The following EPHA6 variants were observed in gnomAD, a reference collection of about 807,000 sequenced individuals.
EPHA6 encodes the protein EPH receptor A6, also known as ephrin type-A receptor 6.
In EPHA6, 50 loss-of-function variants were observed where a neutral mutation model predicts 112.0. The observed-to-expected ratio is 0.45, with a 90% confidence interval of 0.36 to 0.56. EPHA6 has a LOEUF of 0.56. Ranked by LOEUF, EPHA6 falls within the 20% of genes least tolerant of loss-of-function variation. The pLI, the probability that EPHA6 is intolerant of heterozygous loss-of-function variation, is 0.00. For missense variants in EPHA6, 1,280 were observed against 1,417.4 expected (o/e 0.90, Z 1.56); for synonymous variants, 529 against 490.7 (o/e 1.08, Z -1.03).
At chr3:97,099,368 G>C (rs1435406676) in intron 3 of EPHA6, among the ~76,000 whole-genome samples, 1 of 151,482 alleles carries the variant, frequency 6.6e-6, no homozygotes, top group African/African-American at 2.4e-5. Flanking sequence ...TGATTTTGTG[G>C]GTCAGAAATC....
rs191240523 is a variant in EPHA6 at position 97,020,533 on chromosome 3, A to G, written c.1114+32540A>G. Among the ~76,000 whole-genome samples the G allele has an allele frequency of 2.0e-5, 3 of 152,306 alleles. No homozygotes were observed. The East Asian group carries it at 5.8e-4, about 29-fold the overall frequency. ...ATGCAGGATGGAGAGACAGAGCTAT[A>G]GCAATGCTAACAAGAACAGAACACT... On this transcript the variant is annotated intron_variant, in intron 3 of 17. Transcript: ENST00000389672.
chr3:97,062,333 A>G (rs897559980), intron 3 of EPHA6, among the ~76,000 whole-genome samples: 2 of 149,184 alleles, frequency 1.3e-5, no homozygotes, highest in Non-Finnish European at 3.0e-5. Flanking sequence ...AGTAAAGAGA[A>G]CTATAAAGAT....
intron 11 of EPHA6, among the ~76,000 whole-genome samples, chr3:97,550,170 G>A (rs1003370949): frequency 6.6e-6 from 1 of 152,136 alleles, no homozygotes; most frequent in Non-Finnish European, 1.5e-5. Context: ...CTTGCTTGGG[G>A]GAAATGTTGC....
At chr3:97,185,963 C>CA (rs1256621688) in intron 3 of EPHA6, among the ~76,000 whole-genome samples, 1 of 147,128 alleles carries the variant, frequency 6.8e-6, no homozygotes, top group African/African-American at 2.5e-5. Flanking sequence ...ATCACAAGGA[C>CA]AAAAAACCAA....
At chr3:97,353,350 G>A (rs2083905490) in intron 5 of EPHA6, among the ~76,000 whole-genome samples, 1 of 151,854 alleles carries the variant, frequency 6.6e-6, no homozygotes, top group Admixed American at 6.6e-5. Context: ...ACAGACTCCT[G>A]TGGCACATTT....
chr3:97,730,531 C>G (rs1449173528), intron 15 of EPHA6, among the ~76,000 whole-genome samples: 2 of 151,970 alleles, frequency 1.3e-5, no homozygotes, highest in African/African-American at 2.4e-5. Context: ...TATCATAAAA[C>G]CAAACTGTTA....
chr3:97,477,479 G>A (rs1372232550), intron 8 of EPHA6, among the ~76,000 whole-genome samples: 3 of 150,468 alleles, frequency 2.0e-5, no homozygotes, highest in Non-Finnish European at 3.0e-5. Context: ...AGGAAGGGAA[G>A]GAAGGGAGGG....
intron 5 of EPHA6, among the ~76,000 whole-genome samples, chr3:97,271,702 C>T (rs1402421931): frequency 6.6e-6 from 1 of 152,186 alleles, no homozygotes; most frequent in African/African-American, 2.4e-5. Flanking sequence ...GTTTGTCTTA[C>T]ACTTTATGCA....
chr3:97,538,570 T>G (rs1381457993), intron 11 of EPHA6, among the ~76,000 whole-genome samples: 1 of 152,002 alleles, frequency 6.6e-6, no homozygotes, highest in Non-Finnish European at 1.5e-5. Flanking sequence ...ATAGGGAGGA[T>G]GAGATTACCC....
chr3:96,863,830 G>A (rs888210609), intron 1 of EPHA6, among the ~76,000 whole-genome samples: 1 of 151,928 alleles, frequency 6.6e-6, no homozygotes, highest in Non-Finnish European at 1.5e-5. Flanking sequence ...ATTTCAATAC[G>A]CATTAGAGAT....
At chr3:97,515,669 A>G (rs958092864) in intron 10 of EPHA6, among the ~76,000 whole-genome samples, 2 of 152,202 alleles carry the variant, frequency 1.3e-5, no homozygotes, top group Non-Finnish European at 2.9e-5. Context: ...GGGTAGATGT[A>G]TCAGTGAGTT....
chr3:97,640,720 C>G (rs1381266546), intron 14 of EPHA6, among the ~76,000 whole-genome samples: 1 of 151,476 alleles, frequency 6.6e-6, no homozygotes, highest in Non-Finnish European at 1.5e-5. Flanking sequence ...GCGGAGGTTG[C>G]GATGAACTGA....
chr3:97,700,174 C>T (rs977338355), intron 14 of EPHA6, among the ~76,000 whole-genome samples: 1 of 152,214 alleles, frequency 6.6e-6, no homozygotes, highest in Admixed American at 6.5e-5. Context: ...GGAGAAAACA[C>T]GCTTCAAAAC....
intron 14 of EPHA6, among the ~76,000 whole-genome samples, chr3:97,668,488 G>T (rs565121289): frequency 6.6e-6 from 1 of 152,222 alleles, no homozygotes; most frequent in South Asian, 2.1e-4. Flanking sequence ...GCTAACCATA[G>T]GCTTTTCTGG....
intron 3 of EPHA6, among the ~76,000 whole-genome samples, chr3:97,016,870 C>T (rs1240534327): frequency 6.6e-6 from 1 of 152,140 alleles, no homozygotes; most frequent in African/African-American, 2.4e-5. Context: ...GTTCATGTAA[C>T]TGGATGTATC....
intron 5 of EPHA6, among the ~76,000 whole-genome samples, chr3:97,391,570 G>A (rs932480766): frequency 2.6e-5 from 4 of 151,866 alleles, no homozygotes; most frequent in African/African-American, 9.7e-5. Context: ...AAAGAGCATA[G>A]GAAGTAGAAA....
intron 3 of EPHA6, among the ~76,000 whole-genome samples, chr3:97,174,007 A>T (rs72922357): frequency 6.6e-6 from 1 of 151,316 alleles, no homozygotes; most frequent in Non-Finnish European, 1.5e-5. Context: ...CCCATTAACC[A>T]TCACCTTCTA....
At chr3:97,695,884 A>T (rs1576305357) in intron 14 of EPHA6, among the ~76,000 whole-genome samples, 1 of 152,322 alleles carries the variant, frequency 6.6e-6, no homozygotes, top group Admixed American at 6.5e-5. Flanking sequence ...AAAATCACTG[A>T]ACCAAACCAG....
intron 3 of EPHA6, among the ~76,000 whole-genome samples, chr3:97,184,791 A>G (rs995582031): frequency 1.3e-5 from 2 of 152,218 alleles, no homozygotes; most frequent in Non-Finnish European, 2.9e-5. Flanking sequence ...AGCTGGAGGC[A>G]TCACGCTACC....
Sources: gnomAD v4.1 joint callset for allele counts (sites outside exome capture counted in the v4.1 genomes callset) on GRCh38, gnomAD v4.1.1 for gene constraint, MANE v1.5 for transcripts, NCBI Gene and HGNC (gene_info 2026-07-23, HGNC 2026-07-21) for gene names.